ABTB3: variants seen among roughly 807,000 people sequenced by gnomAD.
The protein encoded by ABTB3 is ankyrin repeat and BTB domain containing 3, also known as ankyrin repeat- and BTB/POZ domain-containing protein 3.
the ABTB3 span, among the ~76,000 whole-genome samples, chr12:107,560,870 T>C: frequency 6.6e-6 from 1 of 152,202 alleles, no homozygotes; most frequent in Admixed American, 6.5e-5. Flanking sequence ...GTTTGTTTGG[T>C]GGCTGTGTTT....
At chr12:107,321,451 G>A in the ABTB3 span, among the ~76,000 whole-genome samples, 9 of 152,166 alleles carry the variant, frequency 5.9e-5, no homozygotes, top group African/African-American at 2.2e-4. Flanking sequence ...AGTGGGGGAG[G>A]GGAAGGAAGG....
the ABTB3 span, among the ~76,000 whole-genome samples, chr12:107,343,718 G>A: frequency 6.6e-6 from 1 of 152,204 alleles, no homozygotes. Context: ...TTATAGTTCT[G>A]CATGGCTCGG....
chr12:107,397,521 T>G, the ABTB3 span, among the ~76,000 whole-genome samples: 2 of 152,274 alleles, frequency 1.3e-5, no homozygotes, highest in African/African-American at 4.8e-5. Flanking sequence ...TTTGGACTGA[T>G]TCTTTACCTG....
At chr12:107,638,229 A>C in the ABTB3 span, among the ~76,000 whole-genome samples, 1 of 152,176 alleles carries the variant, frequency 6.6e-6, no homozygotes, top group African/African-American at 2.4e-5. Flanking sequence ...TGACAGAGAA[A>C]GGTGAGTGGA....
At chr12:107,320,220 A>T in the ABTB3 span, 2 of 1,283,518 alleles carry the variant, frequency 1.6e-6, no homozygotes, top group Non-Finnish European at 2.0e-6. Context: ...GGAGGTAGCC[A>T]GAACAAGAGG....
At chr12:107,535,975 T>C in the ABTB3 span, among the ~76,000 whole-genome samples, 141 of 152,062 alleles carry the variant, frequency 9.3e-4, no homozygotes, top group Non-Finnish European at 4.4e-4. Context: ...GGAGGCATCA[T>C]ACTACTTGAC....
At chr12:107,369,255 T>TA in the ABTB3 span, among the ~76,000 whole-genome samples, 1 of 152,194 alleles carries the variant, frequency 6.6e-6, no homozygotes, top group Admixed American at 6.5e-5. Flanking sequence ...TTCATCCACT[T>TA]AGAGTCTACT....
chr12:107,494,350 A>G, the ABTB3 span, among the ~76,000 whole-genome samples: 1 of 152,104 alleles, frequency 6.6e-6, no homozygotes, highest in Non-Finnish European at 1.5e-5. Flanking sequence ...AAGAGCCGGG[A>G]CCTTCCCAGA....
chr12:107,595,443 G>T, the ABTB3 span, among the ~76,000 whole-genome samples: 1 of 152,280 alleles, frequency 6.6e-6, no homozygotes, highest in South Asian at 2.1e-4. Flanking sequence ...GCAATGGGGG[G>T]AAAAGAAATG....
chr12:107,549,472 G>A, the ABTB3 span, among the ~76,000 whole-genome samples: 1 of 152,180 alleles, frequency 6.6e-6, no homozygotes, highest in Non-Finnish European at 1.5e-5. Context: ...TTCCTCTAAG[G>A]AATGTAAATC....
chr12:107,453,648 G>A, the ABTB3 span, among the ~76,000 whole-genome samples: 11 of 152,164 alleles, frequency 7.2e-5, no homozygotes, highest in African/African-American at 2.7e-4. Context: ...GGACTAAGAG[G>A]GCTTTAAACA....
chr12:107,618,500 GCA>G, the ABTB3 span: 82 of 825,216 alleles, frequency 9.9e-5, no homozygotes, highest in Non-Finnish European at 1.2e-4. Context: ...ACACACACGT[GCA>G]CACACACACA....
chr12:107,459,474 C>G, the ABTB3 span, among the ~76,000 whole-genome samples: 1 of 152,154 alleles, frequency 6.6e-6, no homozygotes, highest in South Asian at 2.1e-4. Context: ...AAAATTCAAA[C>G]CTATAGGAGG....
chr12:107,492,089 G>A, the ABTB3 span, among the ~76,000 whole-genome samples: 3 of 152,100 alleles, frequency 2.0e-5, no homozygotes, highest in Admixed American at 2.0e-4. Flanking sequence ...GGGTGAAGTC[G>A]TGGGAGAGGG....
the ABTB3 span, among the ~76,000 whole-genome samples, chr12:107,395,944 C>G: frequency 6.6e-6 from 1 of 152,306 alleles, no homozygotes; most frequent in African/African-American, 2.4e-5. Context: ...GGATGGGAAC[C>G]CTGTGTGGCC....
chr12:107,396,182 C>T, the ABTB3 span, among the ~76,000 whole-genome samples: 4 of 152,244 alleles, frequency 2.6e-5, no homozygotes, highest in Non-Finnish European at 5.9e-5. Context: ...TGCCTCTCCA[C>T]ATTGTCCTCT....
chr12:107,512,567 G>A, the ABTB3 span, among the ~76,000 whole-genome samples: 51 of 152,310 alleles, frequency 3.3e-4, no homozygotes, highest in Middle Eastern at 6.8e-3. Context: ...GAAGGGCAGG[G>A]ATCCAGCTGT....
the ABTB3 span, among the ~76,000 whole-genome samples, chr12:107,648,353 C>T: frequency 7.0e-6 from 1 of 143,872 alleles, no homozygotes; most frequent in African/African-American, 2.6e-5. Context: ...TGCACTCCAG[C>T]CTGCGTGACA....
At chr12:107,544,637 G>A in the ABTB3 span, among the ~76,000 whole-genome samples, 1 of 152,198 alleles carries the variant, frequency 6.6e-6, no homozygotes, top group African/African-American at 2.4e-5. Context: ...GAAGGAACTG[G>A]GAGAGGACCC....
Sources: gnomAD v4.1 joint callset for allele counts (sites outside exome capture counted in the v4.1 genomes callset) on GRCh38, gnomAD v4.1.1 for gene constraint, MANE v1.5 for transcripts, NCBI Gene and HGNC (gene_info 2026-07-23, HGNC 2026-07-21) for gene names.